The following ACYP2 variants were observed in gnomAD, a reference collection of about 807,000 sequenced individuals.
ACYP2 encodes the protein acylphosphatase-2.
Under a neutral mutation model 11.2 loss-of-function variants are expected in ACYP2, and 12 were observed. The ratio of observed to expected loss-of-function variants is 1.08; its 90% CI spans 0.69 to 1.74. The LOEUF is 1.74. ACYP2 is among the 40% of genes most tolerant of loss of function. ACYP2 has a pLI of 0.00. For synonymous variants in ACYP2, 43 were observed against 32.2 expected (o/e 1.33, Z -1.13); for missense variants, 134 against 101.9 (o/e 1.31, Z -1.35).
rs866813344 is a variant in ACYP2 at position 54,248,959 on chromosome 2, C to T, written c.405-55729C>T. Among the ~76,000 whole-genome samples, 34 of 152,152 alleles carry T rather than the reference C, an allele frequency of 2.2e-4. No individual in the cohort carries two copies. In the Middle Eastern group the frequency reaches 0.017, roughly 76 times the overall value. The stretch of plus-strand genomic sequence containing the variant: ...AAATGAATCCAAGGTTAAGGAACAT[C>T]ATGAGCAAAGGCACAGAATCGGGAC... On this transcript the variant is annotated intron_variant, in intron 6 of 6. Coordinates refer to ENST00000607452, the MANE Select transcript of ACYP2 (RefSeq NM_001320586.2).
At chr2:54,046,401 C>T (rs1300381072) in intron 2 of ACYP2, among the ~76,000 whole-genome samples, 7 of 151,066 alleles carry the variant, frequency 4.6e-5, no homozygotes, top group Non-Finnish European at 7.4e-5. Flanking sequence ...ATTACTTGAA[C>T]CTGGGAAGCG....
chr2:54,005,562 C>T (rs982922485), intron 2 of ACYP2, among the ~76,000 whole-genome samples: 2 of 152,174 alleles, frequency 1.3e-5, no homozygotes, highest in African/African-American at 4.8e-5. Context: ...TGGTCTCGAT[C>T]TCCTGACCTC....
intron 6 of ACYP2, among the ~76,000 whole-genome samples, chr2:54,268,639 CAAA>C (rs34122735): frequency 1.2e-5 from 1 of 81,288 alleles, no homozygotes; most frequent in Non-Finnish European, 2.5e-5. Context: ...CAGTCTCTAC[CAAA>C]AAAAAAAAAA....
chr2:54,251,212 T>C (rs911972878), intron 6 of ACYP2, among the ~76,000 whole-genome samples: 6 of 152,236 alleles, frequency 3.9e-5, no homozygotes, highest in African/African-American at 1.4e-4. Flanking sequence ...TTTCTATTCT[T>C]AGAAAATGGA....
At chr2:54,155,516 G>A (rs1254157826) in intron 6 of ACYP2, among the ~76,000 whole-genome samples, 3 of 152,202 alleles carry the variant, frequency 2.0e-5, no homozygotes, top group African/African-American at 2.4e-5. Flanking sequence ...ATCAGTGGCA[G>A]CATTAGAGTC....
At chr2:54,240,405 C>G (rs767807627) in intron 6 of ACYP2, among the ~76,000 whole-genome samples, 1 of 152,144 alleles carries the variant, frequency 6.6e-6, no homozygotes, top group Non-Finnish European at 1.5e-5. Flanking sequence ...AGAAAATTCA[C>G]TTTTTCTAAA....
chr2:54,028,591 C>T (rs370695787), intron 2 of ACYP2, among the ~76,000 whole-genome samples: 2 of 152,196 alleles, frequency 1.3e-5, no homozygotes, highest in African/African-American at 4.8e-5. Flanking sequence ...GGAAGAAAGA[C>T]TGAAGTCTGT....
chr2:54,079,010 G>C (rs1677503398), intron 4 of ACYP2, among the ~76,000 whole-genome samples: 1 of 152,194 alleles, frequency 6.6e-6, no homozygotes, highest in African/African-American at 2.4e-5. Context: ...GACTTTAAAA[G>C]TGAGATATAT....
intron 6 of ACYP2, among the ~76,000 whole-genome samples, chr2:54,298,728 G>T (rs1282955699): frequency 6.6e-6 from 1 of 152,196 alleles, no homozygotes; most frequent in South Asian, 2.1e-4. Flanking sequence ...GAGAGCAGCT[G>T]CCCTGTCTGC....
At chr2:54,175,767 T>C (rs1268207596) in intron 6 of ACYP2, among the ~76,000 whole-genome samples, 20 of 152,158 alleles carry the variant, frequency 1.3e-4, no homozygotes. Context: ...CCCTTTTTTC[T>C]TTAGTAATAG....
intron 6 of ACYP2, among the ~76,000 whole-genome samples, chr2:54,238,664 A>C (rs1323045714): frequency 1.3e-5 from 2 of 152,154 alleles, no homozygotes; most frequent in East Asian, 3.8e-4. Flanking sequence ...CATATGGTCC[A>C]CAAATTTTTA....
At chr2:54,167,948 T>A (rs760022445) in intron 6 of ACYP2, among the ~76,000 whole-genome samples, 2 of 152,152 alleles carry the variant, frequency 1.3e-5, no homozygotes, top group Non-Finnish European at 2.9e-5. Context: ...AAGACAGAAG[T>A]CTTCATCCTG....
intron 2 of ACYP2, among the ~76,000 whole-genome samples, chr2:53,990,119 C>T (rs772186375): frequency 1.3e-5 from 2 of 151,528 alleles, no homozygotes; most frequent in Non-Finnish European, 2.9e-5. Flanking sequence ...GCTGGGTCTA[C>T]AGGCATGCAC....
intron 6 of ACYP2, among the ~76,000 whole-genome samples, chr2:54,198,892 C>G (rs756222316): frequency 1.3e-5 from 2 of 152,094 alleles, no homozygotes; most frequent in Non-Finnish European, 2.9e-5. Flanking sequence ...CTTCTCGTTC[C>G]GTGCCCATTC....
intron 3 of ACYP2, chr2:54,051,880 A>G (rs965223836): frequency 1.1e-5 from 3 of 262,006 alleles, no homozygotes; most frequent in Admixed American, 1.1e-4. Context: ...CCCTGCCTTT[A>G]CTAAAAAAAT....
intron 2 of ACYP2, among the ~76,000 whole-genome samples, chr2:54,018,231 C>A (rs1011635593): frequency 1.8e-4 from 27 of 152,154 alleles, no homozygotes; most frequent in African/African-American, 6.3e-4. Context: ...CTGAGCCCCT[C>A]CCCCAGAGTT....
chr2:54,300,911 G>A (rs1689698962), intron 6 of ACYP2, among the ~76,000 whole-genome samples: 1 of 152,134 alleles, frequency 6.6e-6, no homozygotes, highest in Non-Finnish European at 1.5e-5. Flanking sequence ...GACAGATGGT[G>A]GCTTATTCTT....
intron 6 of ACYP2, among the ~76,000 whole-genome samples, chr2:54,181,912 A>G (rs1434533307): frequency 6.6e-6 from 1 of 152,154 alleles, no homozygotes; most frequent in Non-Finnish European, 1.5e-5. Flanking sequence ...AAAAAGGTTC[A>G]TAAAACATAG....
intron 4 of ACYP2, among the ~76,000 whole-genome samples, chr2:54,128,375 A>ATT (rs140079052): frequency 6.7e-6 from 1 of 148,240 alleles, no homozygotes; most frequent in Non-Finnish European, 1.5e-5. Flanking sequence ...TTCAAATTCC[A>ATT]TTTTTTTTTT....
Sources: gnomAD v4.1 joint callset for allele counts (sites outside exome capture counted in the v4.1 genomes callset) on GRCh38, gnomAD v4.1.1 for gene constraint, MANE v1.5 for transcripts, NCBI Gene and HGNC (gene_info 2026-07-23, HGNC 2026-07-21) for gene names.